DAB2: variants seen among roughly 807,000 people sequenced by gnomAD.
The protein encoded by DAB2 is disabled homolog 2.
DAB2 carries 28 observed loss-of-function variants against 71.6 expected under a neutral mutation model. The ratio of observed to expected loss-of-function variants is 0.39; its 90% CI spans 0.29 to 0.54. The LOEUF is 0.54. Ranked by LOEUF, DAB2 falls within the 20% of genes least tolerant of loss-of-function variation. The pLI, the probability that DAB2 is intolerant of heterozygous loss-of-function variation, is 0.68. For missense variants in DAB2, 867 were observed against 928.8 expected, an observed-to-expected ratio of 0.93 and a Z score of 0.86; for synonymous variants, 345 against 339.7, an observed-to-expected ratio of 1.02 and a Z score of -0.17.
intron 1 of DAB2, among the ~76,000 whole-genome samples, chr5:39,401,844 C>T (rs1755509247): frequency 6.6e-6 from 1 of 151,844 alleles, no homozygotes; most frequent in African/African-American, 2.4e-5. Context: ...GCTCCGCCTG[C>T]CGGGTTCACG....
intron 11 of DAB2, among the ~76,000 whole-genome samples, chr5:39,379,256 C>T (rs1271026972): frequency 6.6e-6 from 1 of 151,978 alleles, no homozygotes; most frequent in Non-Finnish European, 1.5e-5. Flanking sequence ...GAGTTCAGAA[C>T]CAACCTGGCC....
At chr5:39,394,632 G>GT (rs1413385653) in intron 1 of DAB2, among the ~76,000 whole-genome samples, 1 of 152,162 alleles carries the variant, frequency 6.6e-6, no homozygotes, top group Non-Finnish European at 1.5e-5. Context: ...GTGCCTATTA[G>GT]TTTTTTCTTT....
intron 14 of DAB2, among the ~76,000 whole-genome samples, chr5:39,373,897 G>T (rs2112015806): frequency 6.6e-6 from 1 of 152,230 alleles, no homozygotes; most frequent in East Asian, 1.9e-4. Context: ...CTGCACTCTT[G>T]TTAAAAGGAA....
rs915381537 is a variant in DAB2 at position 39,372,178 on chromosome 5, A to C, written c.*1253T>G. 12 of 152,222 alleles carry C rather than the reference A, an allele frequency of 7.9e-5. No homozygotes were observed. The highest frequency in any genetic ancestry group is 2.9e-4 in the African/African-American group (12 of 41,450). 9.4% of individuals were successfully genotyped at this position (152,222 alleles called of 1,614,324 possible). A position where few individuals can be genotyped will look rare whatever the true frequency, so the allele number is the denominator to read the frequency against. On this transcript the variant is annotated 3_prime_UTR_variant, in exon 15 of 15. Coordinates refer to ENST00000320816, the MANE Select transcript of DAB2 (RefSeq NM_001343.4). ...TAATAAACCCTTCAGAACTGTGCTC[A>C]CAACAGGACTGAAAATGAACTGGGA...
At position 39,381,441 on chromosome 5, in the gene DAB2, T is replaced by C; in HGVS notation, c.1504+13A>G. On this transcript the variant is annotated intron_variant, in intron 11 of 14. Coordinates refer to ENST00000320816, the MANE Select transcript of DAB2 (RefSeq NM_001343.4). ...CAAAAGAGTCATACTTAATTTTATCTCTAGGCACCTACCTAGACCCACCAG... is the reference window on the plus strand; with the variant it reads ...CAAAAGAGTCATACTTAATTTTATCCCTAGGCACCTACCTAGACCCACCAG... 5 of 1,609,408 alleles carry C rather than the reference T, an allele frequency of 3.1e-6. No individual in the cohort carries two copies. In the South Asian group the frequency reaches 5.5e-5, roughly 18 times the overall value.
At chr5:39,423,253 G>A (rs1240111201) in intron 1 of DAB2, among the ~76,000 whole-genome samples, 3 of 9,484 alleles carry the variant, frequency 3.2e-4, no homozygotes, top group Admixed American at 8.1e-4. Flanking sequence ...GGATTTGGAA[G>A]AAGTGGTCTG....
In DAB2 at chr5:39,381,463, C is replaced by T. The variant is rs970167225; in HGVS notation, c.1495G>A (p.Val499Met). ...TSAPAPVGPL[V>M]GLGGVTVTLP... ...ATCTCTAGGCACCTACCTAGACCCA[C>T]CAGGGGCCCCACTGGGGCAGGAGCA... Residue 499 changes from valine to methionine, a missense_variant, in exon 11 of 15, where the codon GTG becomes ATG. By Grantham distance (21) the Val-to-Met change is conservative. This residue lies in a region of DAB2 where 740 missense variants were observed against 734.3 expected (regional missense o/e 1.01). Transcript: ENST00000320816. 7.4e-6 allele frequency: 12 copies of T among 1,613,796 alleles called. No homozygotes were observed. The African/African-American group carries it at 1.6e-4, about 22-fold the overall frequency.
At chr5:39,381,248 G>C (rs920835640) in intron 11 of DAB2, among the ~76,000 whole-genome samples, 2 of 152,150 alleles carry the variant, frequency 1.3e-5, no homozygotes, top group Admixed American at 6.5e-5. Flanking sequence ...CTTGTCTCAT[G>C]CTGCCTCGAG....
At chr5:39,390,416 C>T in intron 5 of DAB2, 28 bp downstream of exon 5, 1 of 1,607,248 alleles carries the variant, frequency 6.2e-7, no homozygotes, top group Non-Finnish European at 8.5e-7. Flanking sequence ...GACAAGTCCC[C>T]AGGTCTATGT....
In DAB2 at chr5:39,389,113, G is replaced by C. The variant is rs1251696525; in HGVS notation, c.554C>G (p.Ala185Gly). 5 of 1,612,034 alleles carry C rather than the reference G, an allele frequency of 3.1e-6. No individual in the cohort carries two copies. The highest frequency in any genetic ancestry group is 2.7e-5 in the African/African-American group (2 of 74,850). ...KEEEKKKIEE[A>G]SKAVENGSEA... ...CAATTTTACCTCAACTGCTTTGCTG[G>C]CTTCCTCTATCTAAAAAGAAAGATA... is the stretch of plus-strand genomic sequence containing the variant. The change falls in exon 7 of 15, where the codon GCC becomes GGC. Residue 185 changes from alanine (A) to glycine (G), a missense_variant. Ala to Gly is a moderately conservative substitution (Grantham distance 60). This residue lies in a region of DAB2 where 740 missense variants were observed against 734.3 expected (regional missense o/e 1.01). Coordinates refer to ENST00000320816, the MANE Select transcript of DAB2 (RefSeq NM_001343.4).
intron 11 of DAB2, among the ~76,000 whole-genome samples, chr5:39,379,325 T>G (rs1407795331): frequency 6.6e-6 from 1 of 151,026 alleles, no homozygotes; most frequent in Non-Finnish European, 1.5e-5. Flanking sequence ...TGGTGGCGCA[T>G]GCCTGTAATC....
Position 39,390,510 on chromosome 5 carries a change from C to G in DAB2, c.396G>C (p.Arg132=). 6.2e-7 allele frequency: 1 copy of G among 1,613,984 alleles called. No homozygotes were observed. The highest frequency in any genetic ancestry group is 1.1e-5 in the South Asian group (1 of 91,068). The change falls in exon 5 of 15, where the codon CGG becomes CGC. Residue 132 remains arginine, a synonymous_variant. Transcript: ENST00000320816. ...CTCCTCCACACACGTAACCAAATGC[C>G]CGGTTGTCTGTCACATCACGGGCAA... ...SFIARDVTDN[R]AFGYVCGGEG... is the part of the protein sequence containing the mutation.
chr5:39,398,589 G>A (rs1755427747), intron 1 of DAB2, among the ~76,000 whole-genome samples: 1 of 152,124 alleles, frequency 6.6e-6, no homozygotes, highest in African/African-American at 2.4e-5. Flanking sequence ...AGTCTCCATT[G>A]TAGGCCATAC....
chr5:39,382,426 C>G (rs1754999938), intron 10 of DAB2, among the ~76,000 whole-genome samples, 192 bp downstream of exon 10: 1 of 152,194 alleles, frequency 6.6e-6, no homozygotes, highest in Non-Finnish European at 1.5e-5. Flanking sequence ...GTGTGAAAAA[C>G]ACTGCTGAGA....
chr5:39,380,085 A>G (rs1214047874), intron 11 of DAB2, among the ~76,000 whole-genome samples: 1 of 152,182 alleles, frequency 6.6e-6, no homozygotes, highest in Non-Finnish European at 1.5e-5. Context: ...CATTGCAAGC[A>G]CTCTGGTCTT....
chr5:39,405,653 T>C (rs1323243369), intron 1 of DAB2, among the ~76,000 whole-genome samples: 1 of 152,220 alleles, frequency 6.6e-6, no homozygotes, highest in Non-Finnish European at 1.5e-5. Flanking sequence ...TGCTGCAACG[T>C]AGCTTTTGCA....
intron 9 of DAB2, among the ~76,000 whole-genome samples, chr5:39,384,985 A>C (rs1755065436): frequency 6.6e-6 from 1 of 151,038 alleles, no homozygotes; most frequent in Non-Finnish European, 1.5e-5. Flanking sequence ...CTTTTAAAAG[A>C]AAAAAAAATA....
intron 1 of DAB2, among the ~76,000 whole-genome samples, chr5:39,402,620 G>C (rs1755528736): frequency 6.6e-6 from 1 of 152,142 alleles, no homozygotes; most frequent in African/African-American, 2.4e-5. Context: ...GTTTCACCAT[G>C]TTGTCCAGGC....
rs553550067 is a variant in DAB2 at position 39,422,488 on chromosome 5, G to A, written c.-102+2316C>T. Reference sequence around the variant, plus strand: ...TCAAAAGAATGAGGAAGAGAAACACGCAGAGCCTTCAAAATTATCCAGATG... The same window carrying A: ...TCAAAAGAATGAGGAAGAGAAACACACAGAGCCTTCAAAATTATCCAGATG... On this transcript the variant is annotated intron_variant, in intron 1 of 14. Transcript: ENST00000320816. The surrounding 1 kb of genome is among the most constrained non-coding windows in gnomAD (Gnocchi z 4.1). 1.3e-5 allele frequency among the ~76,000 whole-genome samples: 2 copies of A among 152,284 alleles called. No individual in the cohort carries two copies. The highest frequency in any genetic ancestry group is 2.1e-4 in the South Asian group (1 of 4,828).
Sources: allele counts gnomAD v4.1 joint callset (sites outside exome capture counted in the v4.1 genomes callset), GRCh38; gene constraint gnomAD v4.1.1; regional missense constraint gnomAD v4.1.1; non-coding constraint Gnocchi (gnomAD v3.1); transcripts MANE v1.5; gene names NCBI Gene and HGNC (gene_info 2026-07-23, HGNC 2026-07-21).